Variants in LGR4 observed in about 807,000 individuals in gnomAD.
The protein encoded by LGR4 is leucine rich repeat containing G protein-coupled receptor 4.
LGR4 carries 44 observed loss-of-function variants against 84.8 expected under a neutral mutation model. That is an observed-to-expected ratio of 0.52 (90% CI 0.41 to 0.67). The LOEUF is 0.67. LGR4 is among the 30% of genes least tolerant of loss of function. LGR4 has a pLI of 0.00. For missense variants in LGR4, 1,032 were observed against 1,131.4 expected, an observed-to-expected ratio of 0.91 and a Z score of 1.26; for synonymous variants, 429 against 434.3, an observed-to-expected ratio of 0.99 and a Z score of 0.15.
At chr11:27,413,789 G>A (rs937343972) in intron 1 of LGR4, among the ~76,000 whole-genome samples, 2 of 152,144 alleles carry the variant, frequency 1.3e-5, no homozygotes, top group African/African-American at 2.4e-5. Flanking sequence ...GGAAGGAGAA[G>A]AGAAATGAAG....
chr11:27,385,233 T>G lies in LGR4; in HGVS notation c.617+20A>C. ...CCCAATTAACACAAATATATGGAAT[T>G]AAAAGGGATAGATACTTACAGAACT... On this transcript the variant is annotated intron_variant, in intron 5 of 17. Coordinates refer to ENST00000379214, the MANE Select transcript of LGR4 (RefSeq NM_018490.5). 2 of 1,469,968 alleles carry G rather than the reference T, an allele frequency of 1.4e-6. No homozygotes were observed. The highest frequency in any genetic ancestry group is 2.7e-5 in the South Asian group (2 of 73,108). The allele number at this position is 1,469,968 out of a possible 1,614,324, so 91.1% of individuals were successfully genotyped here. A position where few individuals can be genotyped will look rare whatever the true frequency, so the allele number is the denominator to read the frequency against.
Position 27,384,376 on chromosome 11 carries a change from T to A in LGR4, c.649A>T (p.Ser217Cys). The change falls in exon 6 of 18, where the codon AGT (serine) becomes TGT (cysteine). Residue 217 changes from serine to cysteine, a missense_variant. Coordinates refer to ENST00000379214, the MANE Select transcript of LGR4 (RefSeq NM_018490.5). ...HLHNNKIRSL[S>C]QHCFDGLDNL... is the part of the protein sequence containing the mutation. ...TCTAGTCCATCAAAACAGTGTTGAC[T>A]CAGGCTTCTAATTTTATTGTTATGA... 6.2e-7 allele frequency: 1 copy of A among 1,611,234 alleles called. No individual in the cohort carries two copies. The highest frequency in any genetic ancestry group is 8.5e-7 in the Non-Finnish European group (1 of 1,178,046).
At chr11:27,375,808 C>T (rs895022848) in intron 13 of LGR4, among the ~76,000 whole-genome samples, 3 of 152,158 alleles carry the variant, frequency 2.0e-5, no homozygotes, top group African/African-American at 7.2e-5. Flanking sequence ...CAAGCTACAT[C>T]ACTTCAGTTA....
intron 2 of LGR4, among the ~76,000 whole-genome samples, chr11:27,393,661 C>T (rs1450719359): frequency 6.6e-6 from 1 of 152,010 alleles, no homozygotes; most frequent in Non-Finnish European, 1.5e-5. Context: ...TTCATTAATT[C>T]ATTCATTAAT....
At chr11:27,369,334 CTTTAA>C (rs759295398) in intron 17 of LGR4, among the ~76,000 whole-genome samples, 191 bp from the exon 18 acceptor site, 27 of 152,062 alleles carry the variant, frequency 1.8e-4, no homozygotes, top group East Asian at 3.9e-4. Context: ...AATAAACTGA[CTTTAA>C]TTTATTTTAT....
intron 10 of LGR4, chr11:27,379,046 C>A: frequency 2.4e-6 from 1 of 420,940 alleles, no homozygotes; most frequent in Non-Finnish European, 4.2e-6. Context: ...TCTACAGTCA[C>A]ACAGTCTGAT....
chr11:27,450,961 G>A (rs1172644016), intron 1 of LGR4, among the ~76,000 whole-genome samples: 1 of 152,074 alleles, frequency 6.6e-6, no homozygotes, highest in Non-Finnish European at 1.5e-5. Context: ...CCAGTGGCAG[G>A]TTATGTAATG....
intron 17 of LGR4, among the ~76,000 whole-genome samples, chr11:27,371,237 T>C (rs1180200570): frequency 6.6e-6 from 1 of 152,146 alleles, no homozygotes; most frequent in Non-Finnish European, 1.5e-5. Context: ...CGAAGTTCAA[T>C]GAAGTAAATG....
intron 1 of LGR4, among the ~76,000 whole-genome samples, chr11:27,419,599 T>C (rs1010319973): frequency 8.1e-5 from 12 of 147,692 alleles, no homozygotes; most frequent in African/African-American, 2.9e-4. Flanking sequence ...TTAATATATA[T>C]GTATTATATA....
intron 1 of LGR4, among the ~76,000 whole-genome samples, chr11:27,416,292 CT>C (rs1465234155): frequency 6.6e-6 from 1 of 152,176 alleles, no homozygotes; most frequent in Non-Finnish European, 1.5e-5. Context: ...TACATATGGA[CT>C]TACTACCACC....
At chr11:27,386,977 G>T (rs1236016350) in intron 4 of LGR4, among the ~76,000 whole-genome samples, 1 of 152,174 alleles carries the variant, frequency 6.6e-6, no homozygotes, top group Non-Finnish European at 1.5e-5. Flanking sequence ...CTACAGAGCT[G>T]TTTAGGAGAT....
At chr11:27,383,108 G>A (rs956059718) in intron 6 of LGR4, among the ~76,000 whole-genome samples, 1 of 152,200 alleles carries the variant, frequency 6.6e-6, no homozygotes, top group Non-Finnish European at 1.5e-5. Context: ...TGAATTATTG[G>A]GAATTTTACA....
chr11:27,394,231 T>C (rs1261037776), intron 2 of LGR4, among the ~76,000 whole-genome samples: 1 of 152,148 alleles, frequency 6.6e-6, no homozygotes, highest in Non-Finnish European at 1.5e-5. Flanking sequence ...CTTTGTGCTG[T>C]CAGCCTTGTA....
chr11:27,369,316 A>G (rs1480131424), intron 17 of LGR4, among the ~76,000 whole-genome samples, 173 bp from the exon 18 acceptor site: 1 of 152,212 alleles, frequency 6.6e-6, no homozygotes, highest in African/African-American at 2.4e-5. Context: ...GGACCAGGCT[A>G]TTTTAAAAAT....
chr11:27,446,877 C>G (rs1286773215), intron 1 of LGR4, among the ~76,000 whole-genome samples: 1 of 152,000 alleles, frequency 6.6e-6, no homozygotes, highest in Non-Finnish European at 1.5e-5. Flanking sequence ...GAGTTCATGT[C>G]CTTTGTAGGG....
chr11:27,408,888 C>T (rs551685499), intron 2 of LGR4, among the ~76,000 whole-genome samples: 1 of 152,016 alleles, frequency 6.6e-6, no homozygotes, highest in Admixed American at 6.6e-5. Flanking sequence ...TGAGAAGTTC[C>T]ATTGTAAAGA....
intron 16 of LGR4, 58 bp downstream of exon 16, chr11:27,372,224 CA>C (rs1862897663): frequency 1.0e-6 from 1 of 984,232 alleles, no homozygotes; most frequent in Admixed American, 1.8e-5. Flanking sequence ...ATTATAATAA[CA>C]GGAACTTTAA....
At chr11:27,434,229 G>A (rs1864167434) in intron 1 of LGR4, among the ~76,000 whole-genome samples, 1 of 152,246 alleles carries the variant, frequency 6.6e-6, no homozygotes, top group Non-Finnish European at 1.5e-5. Flanking sequence ...CCACTGAAAA[G>A]AGAGGCTATT....
At position 27,472,552 on chromosome 11, in the gene LGR4, C is replaced by A. The variant is rs1015251608; in HGVS notation, c.-250G>T. ...GCCCCGCTCCTCCGGCGGCTCACGC[C>A]AGCCGGGCCGGCCCGGCGCAGCGGC... On this transcript the variant is annotated 5_prime_UTR_variant, in exon 1 of 18. Coordinates refer to ENST00000379214, the MANE Select transcript of LGR4 (RefSeq NM_018490.5). 3 of 382,554 alleles carry A rather than the reference C, an allele frequency of 7.8e-6. No homozygotes were observed. The highest frequency in any genetic ancestry group is 6.3e-5 in the African/African-American group (3 of 47,834). The allele number at this position is 382,554 out of a possible 1,614,324, so 23.7% of individuals were successfully genotyped here.
Sources: allele counts gnomAD v4.1 joint callset (sites outside exome capture counted in the v4.1 genomes callset), GRCh38; gene constraint gnomAD v4.1.1; transcripts MANE v1.5; gene names NCBI Gene and HGNC (gene_info 2026-07-23, HGNC 2026-07-21).